Variants in HERC4 observed in about 807,000 individuals in gnomAD.
HERC4 encodes the protein probable E3 ubiquitin-protein ligase HERC4.
A neutral mutation model predicts 124.3 loss-of-function variants in HERC4; 28 were observed. The ratio of observed to expected loss-of-function variants is 0.23; its 90% CI spans 0.17 to 0.31. HERC4 has a LOEUF of 0.31. HERC4 is among the 10% of genes least tolerant of loss of function. HERC4 has a pLI of 1.00. For synonymous variants in HERC4, 407 were observed against 421.5 expected (o/e 0.97, Z 0.42); for missense variants, 713 against 1,229.3 (o/e 0.58, Z 6.28).
At chr10:68,012,811 T>G (rs1257237058) in intron 9 of HERC4, among the ~76,000 whole-genome samples, 1 of 152,214 alleles carries the variant, frequency 6.6e-6, no homozygotes, top group Non-Finnish European at 1.5e-5. Flanking sequence ...AAATTCAGTA[T>G]CAAAAATTGA....
At chr10:67,931,580 A>G (rs2031815026) in intron 23 of HERC4, among the ~76,000 whole-genome samples, 1 of 151,896 alleles carries the variant, frequency 6.6e-6, no homozygotes, top group South Asian at 2.1e-4. Context: ...GTGTGCCACC[A>G]CACCCGATTA....
chr10:67,983,540 G>A (rs1483029896), intron 15 of HERC4, among the ~76,000 whole-genome samples: 2 of 152,098 alleles, frequency 1.3e-5, no homozygotes, highest in Non-Finnish European at 2.9e-5. Context: ...AGCACTTTGG[G>A]ATGCTGAGGT....
chr10:68,060,883 C>T (rs2040972688), intron 3 of HERC4, among the ~76,000 whole-genome samples: 2 of 151,844 alleles, frequency 1.3e-5, no homozygotes, highest in South Asian at 4.1e-4. Context: ...TTGTGGGAAG[C>T]AATTTAAGAT....
Position 67,954,688 on chromosome 10 carries a change from T to C in HERC4, c.2244A>G (p.Glu748=), listed in dbSNP as rs926950288. The change falls in exon 19 of 25, where the codon GAA becomes GAG. Residue 748 remains glutamate (E), a synonymous_variant. Coordinates refer to ENST00000373700, the MANE Select transcript of HERC4 (RefSeq NM_015601.4). ...ATTCCCTCATGATGAGCAAGAAAAA[T>C]TCTTTGCGCACCCCTCCTGCATCCA... ...DAVDAGGVRK[E]FFLLIMRELL... is the part of the protein sequence containing the mutation. 6.2e-7 allele frequency: 1 copy of C among 1,613,558 alleles called. No individual in the cohort carries two copies. Among genetic ancestry groups the C allele is most frequent in the Non-Finnish European group, 8.5e-7 (1 of 1,179,828 alleles).
chr10:67,982,511 C>T (rs2132652107), intron 15 of HERC4, among the ~76,000 whole-genome samples: 1 of 152,180 alleles, frequency 6.6e-6, no homozygotes, highest in East Asian at 1.9e-4. Context: ...AGACCTCAAA[C>T]TATGAAACTA....
chr10:68,054,708 A>G (rs2040469907), intron 3 of HERC4, among the ~76,000 whole-genome samples: 1 of 152,164 alleles, frequency 6.6e-6, no homozygotes, highest in African/African-American at 2.4e-5. Context: ...AATAACATCA[A>G]TGAGTAATTC....
At position 68,000,451 on chromosome 10, in the gene HERC4, C is replaced by G. The variant is rs549699637; in HGVS notation, c.1070-7769G>C. ...AAAGTTAACTGGGTGTGGTGGCATG[C>G]ACCTGTAGTCCCAGCTACTCAGGAG... On this transcript the variant is annotated intron_variant, in intron 9 of 24. Transcript: ENST00000373700. Among the ~76,000 whole-genome samples, 19 of 152,106 alleles carry G rather than the reference C, an allele frequency of 1.2e-4. No individual in the cohort carries two copies. The South Asian group carries it at 2.9e-3, about 23-fold the overall frequency.
At chr10:68,053,586 C>T (rs187983891) in intron 3 of HERC4, among the ~76,000 whole-genome samples, 7 of 152,112 alleles carry the variant, frequency 4.6e-5, no homozygotes, top group Non-Finnish European at 8.8e-5. Flanking sequence ...CCACAGCACC[C>T]GGCCTGGGGA....
intron 3 of HERC4, 25 bp from the exon 4 acceptor site, chr10:68,044,588 T>C (rs374508399): frequency 1.9e-6 from 3 of 1,606,438 alleles, no homozygotes; most frequent in Non-Finnish European, 2.6e-6. Context: ...AAGAGAAATA[T>C]TGCATTCTAG....
intron 21 of HERC4, among the ~76,000 whole-genome samples, chr10:67,938,103 T>C (rs1291899561): frequency 6.6e-6 from 1 of 151,936 alleles, no homozygotes; most frequent in Non-Finnish European, 1.5e-5. Flanking sequence ...GAGAATGTTG[T>C]GTGTGTGGCA....
At chr10:67,977,585 G>A (rs2035672191) in intron 15 of HERC4, among the ~76,000 whole-genome samples, 1 of 152,060 alleles carries the variant, frequency 6.6e-6, no homozygotes, top group African/African-American at 2.4e-5. Flanking sequence ...AACGTAGGAG[G>A]GTGAACAAAT....
At chr10:68,027,523 C>T (rs57243869) in intron 7 of HERC4, among the ~76,000 whole-genome samples, 1 of 152,214 alleles carries the variant, frequency 6.6e-6, no homozygotes, top group Admixed American at 6.5e-5. Context: ...AAAATCAATA[C>T]TAATTTCTTA....
chr10:67,956,332 T>G (rs2034142740), intron 17 of HERC4: 2 of 152,006 alleles, frequency 1.3e-5, no homozygotes, highest in Admixed American at 1.3e-4. Flanking sequence ...ACTCTCAACA[T>G]AAAATGGATG....
chr10:68,069,277 G>T, intron 3 of HERC4: 1 of 960,662 alleles, frequency 1.0e-6, no homozygotes, highest in Non-Finnish European at 1.2e-6. Context: ...ATATTTGTTA[G>T]CTATAAATTT....
At chr10:67,964,407 C>G (rs2034722954) in intron 16 of HERC4, among the ~76,000 whole-genome samples, 1 of 152,110 alleles carries the variant, frequency 6.6e-6, no homozygotes, top group South Asian at 2.1e-4. Context: ...CATATCCAAT[C>G]CATCAGTGAT....
At chr10:67,975,992 G>A (rs1056888126) in intron 15 of HERC4, among the ~76,000 whole-genome samples, 1 of 149,800 alleles carries the variant, frequency 6.7e-6, no homozygotes, top group Non-Finnish European at 1.5e-5. Context: ...ACTACAACCT[G>A]TGGGTCAAAT....
chr10:67,975,994 GGGTCAAATGCTACCCA>G (rs1295219409), intron 15 of HERC4, among the ~76,000 whole-genome samples: 3 of 151,260 alleles, frequency 2.0e-5, no homozygotes, highest in East Asian at 1.9e-4. Context: ...TACAACCTGT[GGGTCAAATGCTACCCA>G]GGTCAAATGC....
chr10:68,032,927 G>A, intron 6 of HERC4, 58 bp from the exon 7 acceptor site: 1 of 875,778 alleles, frequency 1.1e-6, no homozygotes, highest in Non-Finnish European at 2.0e-6. Context: ...TCATCTAGAT[G>A]TGTTTCCTCT....
At chr10:67,984,640 T>C (rs931817992) in intron 15 of HERC4, among the ~76,000 whole-genome samples, 11 of 152,160 alleles carry the variant, frequency 7.2e-5, no homozygotes, top group Non-Finnish European at 1.5e-4. Context: ...TGGAGTGCAA[T>C]GGCACGATTT....
Sources: gnomAD v4.1 joint callset for allele counts (sites outside exome capture counted in the v4.1 genomes callset) on GRCh38, gnomAD v4.1.1 for gene constraint, MANE v1.5 for transcripts, NCBI Gene and HGNC (gene_info 2026-07-23, HGNC 2026-07-21) for gene names.